TEN1: variants seen among roughly 807,000 people sequenced by gnomAD.
The protein encoded by TEN1 is CST complex subunit TEN1.
A neutral mutation model predicts 9.3 loss-of-function variants in TEN1; 6 were observed. That is an observed-to-expected ratio of 0.65 (90% CI 0.35 to 1.27). TEN1 has a LOEUF of 1.27. Among genes scored for constraint, TEN1 ranks in the 50% most tolerant of loss-of-function variants. The pLI is 0.03. For synonymous variants in TEN1, 65 were observed against 65.6 expected, an observed-to-expected ratio of 0.99 and a Z score of 0.04; for missense variants, 149 against 158.2, an observed-to-expected ratio of 0.94 and a Z score of 0.31.
rs765493477 is a variant in TEN1 at position 76,000,219 on chromosome 17, G to A, written c.329G>A (p.Arg110Gln). 31 of 1,551,316 alleles carry A rather than the reference G, an allele frequency of 2.0e-5. No individual in the cohort carries two copies. Among genetic ancestry groups the A allele is most frequent in the Middle Eastern group, 1.7e-4 (1 of 6,010 alleles). ...MNLPLLEQAI[R>Q]EQRLYKQERG... ...CTGCCCTTGTTGGAACAAGCCATCC[G>A]GGAGCAGAGACTGTACAAGCAGGAG... Residue 110 changes from arginine to glutamine, a missense_variant, in exon 4 of 4, where the codon CGG (arginine) becomes CAG (glutamine). By Grantham distance (43) the Arg-to-Gln change is conservative. Coordinates refer to ENST00000397640, the MANE Select transcript of TEN1 (RefSeq NM_001113324.3). The surrounding 1 kb of genome is among the most constrained non-coding windows in gnomAD (Gnocchi z 5.9).
intron 1 of TEN1, among the ~76,000 whole-genome samples, chr17:75,979,935 C>A (rs192628400): frequency 6.6e-6 from 1 of 151,776 alleles, no homozygotes; most frequent in East Asian, 1.9e-4. Context: ...GTCTGGGAAA[C>A]CAGACATTTT....
At chr17:75,994,957 C>T (rs2066210213) in intron 3 of TEN1, among the ~76,000 whole-genome samples, 1 of 152,120 alleles carries the variant, frequency 6.6e-6, no homozygotes, top group Non-Finnish European at 1.5e-5. Context: ...TGTGGTGGCT[C>T]ATGCCTGTAA....
At chr17:75,998,101 G>A (rs997265777) in intron 3 of TEN1, among the ~76,000 whole-genome samples, 2 of 150,022 alleles carry the variant, frequency 1.3e-5, no homozygotes, top group African/African-American at 4.9e-5. Context: ...ATCCGCCTGC[G>A]TCAGCCTCCC....
At position 75,991,595 on chromosome 17, in the gene TEN1, C is replaced by A. The variant is rs374268204; in HGVS notation, c.222C>A (p.Ile74=). The change falls in exon 3 of 4, where the codon ATC becomes ATA. Residue 74 remains isoleucine, a synonymous_variant. Transcript: ENST00000397640. ...ACGCCCAGGTGGGCTCCCTGTACAT[C>A]GTCCTCGGGGAGCTCCAGCATCAGC... ...PFHAQVGSLY[I]VLGELQHQQD... 3.2e-4 allele frequency: 503 copies of A among 1,551,904 alleles called. 6 individuals are homozygous for A. In the South Asian group the frequency reaches 5.3e-3, roughly 16 times the overall value.
At chr17:75,997,365 C>T (rs568425553) in intron 3 of TEN1, among the ~76,000 whole-genome samples, 2 of 152,224 alleles carry the variant, frequency 1.3e-5, no homozygotes, top group South Asian at 2.1e-4. Context: ...CCCTCCCCGG[C>T]GCCACCACAG....
At chr17:75,982,493 T>C (rs2066127674) in intron 1 of TEN1, among the ~76,000 whole-genome samples, 2 of 152,224 alleles carry the variant, frequency 1.3e-5, no homozygotes, top group Admixed American at 6.6e-5. Flanking sequence ...TATTTCTTCA[T>C]GATTAGATTC....
At chr17:75,996,415 G>A (rs1261483070) in intron 3 of TEN1, among the ~76,000 whole-genome samples, 1 of 152,022 alleles carries the variant, frequency 6.6e-6, no homozygotes, top group Non-Finnish European at 1.5e-5. Context: ...AAACTGGGAG[G>A]CGGAGGTTGC....
At chr17:75,991,317 T>TGA in intron 2 of TEN1, 149 bp from the exon 3 acceptor site, 3 of 795,384 alleles carry the variant, frequency 3.8e-6, no homozygotes, top group Non-Finnish European at 6.1e-6. Flanking sequence ...ACTGAAACAT[T>TGA]TTTTTCTGGT....
chr17:75,983,758 G>A (rs966642151), intron 1 of TEN1, among the ~76,000 whole-genome samples: 2 of 152,168 alleles, frequency 1.3e-5, no homozygotes, highest in African/African-American at 4.8e-5. Flanking sequence ...CTGCTGATTG[G>A]TTGGGGGTGC....
At chr17:75,998,966 C>T (rs139759222) in intron 3 of TEN1, among the ~76,000 whole-genome samples, 13 of 151,722 alleles carry the variant, frequency 8.6e-5, no homozygotes, top group Non-Finnish European at 1.8e-4. Context: ...TTAAAGTGCT[C>T]AGAGAGCAGA....
At position 76,000,180 on chromosome 17, in the gene TEN1, T is replaced by C; in HGVS notation, c.290T>C (p.Val97Ala). ...SVVKARVLTC[V>A]EGMNLPLLEQ... ...GTGAAGGCGCGCGTGCTGACCTGTGTGGAGGGGATGAACCTGCCCTTGTTG... is the reference window on the plus strand; with the variant it reads ...GTGAAGGCGCGCGTGCTGACCTGTGCGGAGGGGATGAACCTGCCCTTGTTG... Residue 97 changes from valine to alanine, a missense_variant, in exon 4 of 4, where the codon GTG becomes GCG. Physicochemically the swap from Val to Ala is moderately conservative, Grantham distance 64. Transcript: ENST00000397640. This position sits in a 1 kb window ranked among gnomAD's most constrained non-coding sequence, Gnocchi z 5.9. The C allele has an allele frequency of 4.5e-6, 7 of 1,551,450 alleles. No homozygotes were observed. The highest frequency in any genetic ancestry group is 1.7e-4 in the Middle Eastern group (1 of 5,990).
intron 3 of TEN1, among the ~76,000 whole-genome samples, chr17:75,999,783 G>C (rs1045528854): frequency 6.6e-6 from 1 of 152,120 alleles, no homozygotes; most frequent in Non-Finnish European, 1.5e-5. Flanking sequence ...GGGATGACCT[G>C]CTCCTATAAA....
rs570783460 is a variant in TEN1 at position 75,991,406 on chromosome 17, T to C, written c.93-60T>C. The C allele has an allele frequency of 1.1e-3, 1,663 of 1,526,634 alleles. 11 individuals carry two copies. In the Middle Eastern group the frequency reaches 0.027, roughly 25 times the overall value. The allele number at this position is 1,526,634 out of a possible 1,614,324, so 94.6% of individuals were successfully genotyped here. A position where few individuals can be genotyped will look rare whatever the true frequency, so the allele number is the denominator to read the frequency against. On this transcript the variant is annotated intron_variant, in intron 2 of 3. Coordinates refer to ENST00000397640, the MANE Select transcript of TEN1 (RefSeq NM_001113324.3). ...TAGATTTCTTGGCCATGCAAACCTT[T>C]TGAGCGTGGTGGTGATTCTACGTAT...
At chr17:75,994,434 C>CAAA (rs372733441) in intron 3 of TEN1, among the ~76,000 whole-genome samples, 1,586 of 136,490 alleles carry the variant, frequency 0.012, 17 homozygotes, top group Middle Eastern at 0.044. Flanking sequence ...AACTCCGTCT[C>CAAA]AAAAAAAAAA....
At position 75,998,483 on chromosome 17, in the gene TEN1, A is replaced by G. The variant is rs1420561215; in HGVS notation, c.251-1658A>G. Among the ~76,000 whole-genome samples the G allele has an allele frequency of 2.6e-5, 4 of 152,170 alleles. No individual in the cohort carries two copies. The East Asian group carries it at 7.7e-4, about 29-fold the overall frequency. ...TCTGACCTGTGTCAGCACTGGGGCT[A>G]ACAGAAGCTGAGACACACAGGCAAC... On this transcript the variant is annotated intron_variant, in intron 3 of 3. Coordinates refer to ENST00000397640, the MANE Select transcript of TEN1 (RefSeq NM_001113324.3).
chr17:75,981,433 C>T (rs1396224861), intron 1 of TEN1, among the ~76,000 whole-genome samples: 2 of 151,926 alleles, frequency 1.3e-5, no homozygotes, highest in Admixed American at 6.6e-5. Flanking sequence ...GTGATCCGCT[C>T]GCCTCAGCCT....
chr17:75,981,120 AAAT>A (rs1211089951), intron 1 of TEN1, among the ~76,000 whole-genome samples: 1 of 152,228 alleles, frequency 6.6e-6, no homozygotes, highest in Admixed American at 6.5e-5. Flanking sequence ...TTTTATTTTG[AAAT>A]AATTTCAAAT....
chr17:75,997,217 C>T (rs1307936195), intron 3 of TEN1, among the ~76,000 whole-genome samples: 1 of 152,182 alleles, frequency 6.6e-6, no homozygotes, highest in East Asian at 1.9e-4. Context: ...AGACCCCAGC[C>T]TCCACCCTCC....
intron 3 of TEN1, among the ~76,000 whole-genome samples, chr17:75,992,834 T>C (rs1281384008): frequency 7.6e-6 from 1 of 131,444 alleles, no homozygotes; most frequent in African/African-American, 2.9e-5. Flanking sequence ...AGTGCCTTGC[T>C]CTGTCACCAG....
Sources: gnomAD v4.1 joint callset for allele counts (sites outside exome capture counted in the v4.1 genomes callset) on GRCh38, gnomAD v4.1.1 for gene constraint, Gnocchi (gnomAD v3.1) non-coding constraint, MANE v1.5 for transcripts, NCBI Gene and HGNC (gene_info 2026-07-23, HGNC 2026-07-21) for gene names.